The following RC3H2 variants were observed in gnomAD, a reference collection of about 807,000 sequenced individuals.
RC3H2 encodes the protein roquin-2.
In RC3H2, 31 loss-of-function variants were observed where a neutral mutation model predicts 133.3. The observed-to-expected ratio is 0.23, with a 90% CI of 0.17 to 0.31. The LOEUF (loss-of-function observed/expected upper bound fraction) is 0.31, where lower values mean the gene tolerates loss of function less well. RC3H2 is among the 10% of genes least tolerant of loss of function. The pLI, the probability that RC3H2 is intolerant of heterozygous loss-of-function variation, is 1.00. For synonymous variants in RC3H2, 517 were observed against 502.2 expected (o/e 1.03, Z -0.40); for missense variants, 1,175 against 1,437.2 (o/e 0.82, Z 2.95).
intron 10 of RC3H2, among the ~76,000 whole-genome samples, chr9:122,861,466 G>A (rs192204371): frequency 3.1e-3 from 442 of 140,964 alleles, no homozygotes; most frequent in Non-Finnish European, 5.4e-3. Context: ...CTCCAGCCCA[G>A]GCAACAAGAG....
At chr9:122,884,303 A>AT (rs779576172) in intron 4 of RC3H2, among the ~76,000 whole-genome samples, 3 of 152,118 alleles carry the variant, frequency 2.0e-5, no homozygotes, top group Non-Finnish European at 4.4e-5. Context: ...TAAAAAAAAA[A>AT]TTAAACACAC....
At chr9:122,853,681 G>T in intron 18 of RC3H2, 1 of 754,538 alleles carries the variant, frequency 1.3e-6, no homozygotes, top group Non-Finnish European at 2.0e-6. Context: ...GAACCTGAGA[G>T]CCAGAGGCTG....
chr9:122,878,433 G>C (rs1192640307), intron 8 of RC3H2, among the ~76,000 whole-genome samples: 2 of 152,032 alleles, frequency 1.3e-5, no homozygotes, highest in South Asian at 2.1e-4. Context: ...ACCACGCCCG[G>C]CTAATTTTTT....
At position 122,859,252 on chromosome 9, in the gene RC3H2, CTTTTTTTT is replaced by C. The variant is rs10608695; in HGVS notation, c.1850-158_1850-151del. On this transcript the variant is annotated intron_variant, in intron 11 of 20. Coordinates refer to ENST00000357244, the MANE Select transcript of RC3H2 (RefSeq NM_001100588.3). The stretch of plus-strand genomic sequence containing the variant: ...TGCTTTATAAAGCTTTATACCCTGG[CTTTTTTTT>C]TTTTTTTTTTTTTTGGTAGAGACAG... 1.7e-3 allele frequency: 323 copies of C among 190,370 alleles called. 1 individual carries two copies. Among genetic ancestry groups the C allele is most frequent in the Middle Eastern group, 4.2e-3 (3 of 720 alleles). 11.8% of individuals were successfully genotyped at this position (190,370 alleles called of 1,614,324 possible). A position where few individuals can be genotyped will look rare whatever the true frequency, so the allele number is the denominator to read the frequency against.
chr9:122,892,568 C>T (rs947983933), intron 3 of RC3H2, among the ~76,000 whole-genome samples: 2 of 152,066 alleles, frequency 1.3e-5, no homozygotes, highest in Admixed American at 6.6e-5. Context: ...CCTGCCAAGA[C>T]GCCCGGCTAA....
At chr9:122,871,697 T>A (rs1831109196) in intron 9 of RC3H2, among the ~76,000 whole-genome samples, 1 of 152,108 alleles carries the variant, frequency 6.6e-6, no homozygotes, top group East Asian at 1.9e-4. Flanking sequence ...TCACTCTTTT[T>A]CTCCTTTGTG....
rs1018776480 is a variant in RC3H2 at position 122,903,332 on chromosome 9, G to A, written c.-68+1778C>T. Among the ~76,000 whole-genome samples the A allele has an allele frequency of 2.6e-5, 4 of 152,178 alleles. 1 individual carries two copies. Among genetic ancestry groups the A allele is most frequent in the African/African-American group, 4.8e-5 (2 of 41,450 alleles). On this transcript the variant is annotated intron_variant, in intron 1 of 20. Transcript: ENST00000357244. ...CAACACGGTACAAACTAAACAGTAA[G>A]TAGTTACTAAAACCTTGTTATGAAG...
At chr9:122,884,558 A>G (rs1831811607) in intron 4 of RC3H2, among the ~76,000 whole-genome samples, 1 of 152,174 alleles carries the variant, frequency 6.6e-6, no homozygotes, top group South Asian at 2.1e-4. Flanking sequence ...ACCTAAATTA[A>G]GAAATATTCT....
At chr9:122,866,245 G>T (rs567348698) in intron 9 of RC3H2, among the ~76,000 whole-genome samples, 2 of 152,136 alleles carry the variant, frequency 1.3e-5, no homozygotes, top group Non-Finnish European at 2.9e-5. Context: ...TTGTATGAAA[G>T]ATTTTTCTGA....
In RC3H2 at chr9:122,858,967, G is replaced by C; in HGVS notation, c.1985C>G (p.Ser662Cys). 6.2e-7 allele frequency: 1 copy of C among 1,614,224 alleles called. No individual in the cohort carries two copies. Among genetic ancestry groups the C allele is most frequent in the Non-Finnish European group, 8.5e-7 (1 of 1,180,026 alleles). ...AGAAGAATTCATTCGATCTCGAGGG[G>C]AAAATGTACTGTAATGATCGGCATA... ...MPYADHYSTF[S>C]PRDRMNSSPY... Residue 662 changes from serine (S) to cysteine (C), a missense_variant, in exon 12 of 21, where the codon TCC becomes TGC. Coordinates refer to ENST00000357244, the MANE Select transcript of RC3H2 (RefSeq NM_001100588.3).
chr9:122,866,376 C>CGCCT (rs1830660169), intron 9 of RC3H2, among the ~76,000 whole-genome samples: 1 of 4,364 alleles, frequency 2.3e-4, no homozygotes, highest in Admixed American at 6.1e-3. Flanking sequence ...CCTCCCCCTC[C>CGCCT]CCCCTCCCTC....
In RC3H2 at chr9:122,884,428, A is replaced by T. The variant is rs147115968; in HGVS notation, c.584-1049T>A. Among the ~76,000 whole-genome samples, 1,097 of 152,370 alleles carry T rather than the reference A, an allele frequency of 7.2e-3. 12 individuals carry two copies. Among genetic ancestry groups the T allele is most frequent in the African/African-American group, 0.025 (1,020 of 41,582 alleles). ...GTCAGAACTATTTTGTATATAATTTAAAAAATGATATTAGCCTCTGAATGC... is the reference window on the plus strand; with the variant it reads ...GTCAGAACTATTTTGTATATAATTTTAAAAATGATATTAGCCTCTGAATGC... On this transcript the variant is annotated intron_variant, in intron 4 of 20. Coordinates refer to ENST00000357244, the MANE Select transcript of RC3H2 (RefSeq NM_001100588.3).
chr9:122,850,671 T>C (rs1829988046), intron 20 of RC3H2, among the ~76,000 whole-genome samples: 1 of 150,954 alleles, frequency 6.6e-6, no homozygotes, highest in South Asian at 2.1e-4. Context: ...CTTGAACTCC[T>C]TGTGATCCAC....
chr9:122,886,402 T>A (rs976617346), intron 4 of RC3H2, among the ~76,000 whole-genome samples: 8 of 152,240 alleles, frequency 5.3e-5, no homozygotes, highest in Non-Finnish European at 1.2e-4. Flanking sequence ...CTGTTTTCTA[T>A]TCTTTTGGGT....
At chr9:122,876,457 G>A (rs1250591560) in intron 9 of RC3H2, among the ~76,000 whole-genome samples, 1 of 151,974 alleles carries the variant, frequency 6.6e-6, no homozygotes, top group African/African-American at 2.4e-5. Context: ...GTGAAACCCT[G>A]TCTCTACTAA....
At chr9:122,883,769 C>T (rs1356840616) in intron 4 of RC3H2, among the ~76,000 whole-genome samples, 3 of 151,984 alleles carry the variant, frequency 2.0e-5, no homozygotes, top group Non-Finnish European at 2.9e-5. Flanking sequence ...ACTGTTTGAG[C>T]CCAGGAGTTT....
intron 9 of RC3H2, among the ~76,000 whole-genome samples, chr9:122,867,317 C>G (rs1462086368): frequency 2.7e-5 from 3 of 112,304 alleles, no homozygotes; most frequent in Non-Finnish European, 3.8e-5. Flanking sequence ...GCCGCCCCGT[C>G]CGGGAGGTGA....
At chr9:122,897,634 T>A in intron 1 of RC3H2, 58 bp from the exon 2 acceptor site, 1 of 1,217,248 alleles carries the variant, frequency 8.2e-7, no homozygotes. Flanking sequence ...TTTGAAGAGT[T>A]AATTGCTTAA....
At chr9:122,849,939 G>T in intron 20 of RC3H2, 117 bp from the exon 21 acceptor site, 1 of 570,184 alleles carries the variant, frequency 1.8e-6, no homozygotes, top group Non-Finnish European at 2.8e-6. Context: ...GCAAAGACAT[G>T]TCTTTATCAC....
Sources: gnomAD v4.1 joint callset for allele counts (sites outside exome capture counted in the v4.1 genomes callset) on GRCh38, gnomAD v4.1.1 for gene constraint, MANE v1.5 for transcripts, NCBI Gene and HGNC (gene_info 2026-07-23, HGNC 2026-07-21) for gene names.